EFCAB5: variants seen among roughly 807,000 people sequenced by gnomAD.
The protein encoded by EFCAB5 is EF-hand calcium binding domain 5.
A neutral mutation model predicts 167.9 loss-of-function variants in EFCAB5; 131 were observed. That is an observed-to-expected ratio of 0.78 (90% confidence interval 0.68 to 0.90). The LOEUF is 0.90. Among genes scored for constraint, EFCAB5 ranks in the 40% least tolerant of loss-of-function variants. The probability of loss-of-function intolerance (pLI) is 0.00; values close to 1 mark genes in which losing one functional copy is unlikely to be tolerated. For missense variants in EFCAB5, 1,663 were observed against 1,745.2 expected (o/e 0.95, Z 0.84); for synonymous variants, 574 against 602.8 (o/e 0.95, Z 0.70).
At chr17:30,061,636 C>T (rs2070429089) in intron 14 of EFCAB5, among the ~76,000 whole-genome samples, 1 of 152,154 alleles carries the variant, frequency 6.6e-6, no homozygotes, top group African/African-American at 2.4e-5. Flanking sequence ...AACGCAGTGG[C>T]ATAATCATGG....
At chr17:29,971,983 AT>A in intron 4 of EFCAB5, among the ~76,000 whole-genome samples, 1 of 152,078 alleles carries the variant, frequency 6.6e-6, no homozygotes, top group East Asian at 1.9e-4. Context: ...AGATGCTCAA[AT>A]TGCACCAACT....
chr17:29,942,382 G>T, intron 2 of EFCAB5, 80 bp downstream of exon 2: 2 of 1,265,542 alleles, frequency 1.6e-6, no homozygotes, highest in Non-Finnish European at 1.1e-6. Context: ...TAAAAGAAAA[G>T]ATGTGGGTAT....
At chr17:29,967,107 C>A (rs915198385) in intron 3 of EFCAB5, among the ~76,000 whole-genome samples, 3 of 152,072 alleles carry the variant, frequency 2.0e-5, no homozygotes, top group Non-Finnish European at 4.4e-5. Flanking sequence ...TTTAAAGACT[C>A]CTTACATTTG....
chr17:29,977,788 A>G (rs1394521136), intron 4 of EFCAB5, among the ~76,000 whole-genome samples: 1 of 152,220 alleles, frequency 6.6e-6, no homozygotes, highest in East Asian at 1.9e-4. Flanking sequence ...CCTTAAGGAT[A>G]CACAAACCAA....
chr17:30,055,353 GA>G (rs2070226470), intron 10 of EFCAB5, among the ~76,000 whole-genome samples: 1 of 150,904 alleles, frequency 6.6e-6, no homozygotes, highest in Admixed American at 6.6e-5. Flanking sequence ...AGGAAGGAAG[GA>G]AGGAAGGAAG....
rs541233328 is a variant in EFCAB5 at position 30,059,460 on chromosome 17, G to C, written c.2581-85G>C. The C allele has an allele frequency of 1.2e-4, 169 of 1,388,702 alleles. No individual in the cohort carries two copies. In the East Asian group the frequency reaches 3.9e-3, roughly 32 times the overall value. The allele number at this position is 1,388,702 out of a possible 1,614,324, so 86.0% of individuals were successfully genotyped here. A position where few individuals can be genotyped will look rare whatever the true frequency, so the allele number is the denominator to read the frequency against. ...TAAACCTGTTTTAATAGAAGACGCT[G>C]GACTTTTTTTGGAATAAACACAGAA... On this transcript the variant is annotated intron_variant, in intron 13 of 22. Transcript: ENST00000394835.
chr17:29,950,373 T>G (rs1198173564), intron 3 of EFCAB5, among the ~76,000 whole-genome samples: 2 of 151,586 alleles, frequency 1.3e-5, no homozygotes, highest in Non-Finnish European at 2.9e-5. Flanking sequence ...TCTTTCTTTC[T>G]TTTTTAAAAA....
chr17:29,986,639 T>A (rs1324570372), intron 4 of EFCAB5, among the ~76,000 whole-genome samples: 1 of 113,024 alleles, frequency 8.8e-6, no homozygotes, highest in Non-Finnish European at 1.8e-5. Flanking sequence ...GTATATTCAT[T>A]TTTTTTTTTT....
intron 4 of EFCAB5, among the ~76,000 whole-genome samples, chr17:29,974,776 T>C (rs1463284970): frequency 6.6e-6 from 1 of 152,192 alleles, no homozygotes; most frequent in Non-Finnish European, 1.5e-5. Context: ...AAAGCAGTCA[T>C]AGCATATATG....
At chr17:29,961,607 GAC>G (rs1376817455) in intron 3 of EFCAB5, among the ~76,000 whole-genome samples, 2 of 152,056 alleles carry the variant, frequency 1.3e-5, no homozygotes, top group African/African-American at 2.4e-5. Context: ...TGTTTTTAGA[GAC>G]ACAGTCTCAC....
chr17:30,001,337 A>T (rs879239393), intron 7 of EFCAB5, among the ~76,000 whole-genome samples: 5 of 152,242 alleles, frequency 3.3e-5, no homozygotes, highest in African/African-American at 1.2e-4. Context: ...AAAATTGTTC[A>T]TGAAAAGTCA....
At chr17:30,015,759 C>CTT (rs71138866) in intron 7 of EFCAB5, among the ~76,000 whole-genome samples, 11 of 130,568 alleles carry the variant, frequency 8.4e-5, no homozygotes, top group Non-Finnish European at 1.1e-4. Flanking sequence ...TTGGTTATTT[C>CTT]TTTTTTTTTT....
At chr17:29,951,890 T>C (rs542559983) in intron 3 of EFCAB5, among the ~76,000 whole-genome samples, 1 of 152,264 alleles carries the variant, frequency 6.6e-6, no homozygotes, top group Admixed American at 6.5e-5. Flanking sequence ...GTGACATAAA[T>C]TGGAACCAAT....
In EFCAB5 at chr17:29,956,648, A is replaced by T. The variant is rs114340179; in HGVS notation, c.191-12143A>T. Among the ~76,000 whole-genome samples, 974 of 152,338 alleles carry T rather than the reference A, an allele frequency of 6.4e-3. 5 individuals carry two copies. The highest frequency in any genetic ancestry group is 0.022 in the African/African-American group (934 of 41,562). On this transcript the variant is annotated intron_variant, in intron 3 of 22. Transcript: ENST00000394835. ...AAAATTTGTATGGATGCAGCTTTAG[A>T]CCAAACTTGATTTAACACAACTAAT...
chr17:30,087,158 C>T lies in EFCAB5; in HGVS notation c.3675C>T (p.Cys1225=). 3 of 1,613,398 alleles carry T rather than the reference C, an allele frequency of 1.9e-6. No homozygotes were observed. In the South Asian group the frequency reaches 3.3e-5, roughly 18 times the overall value. ...CTCCTACCATCCACAGGAAGTCATGCATCTTCAGGTTAGAGACATGTCTGT... is the reference window on the plus strand; with the variant it reads ...CTCCTACCATCCACAGGAAGTCATGTATCTTCAGGTTAGAGACATGTCTGT... The part of the protein sequence containing the change: ...KNPPTIHRKS[C]IFRDFLFKCT... The change falls in exon 19 of 23, where the codon TGC becomes TGT. Residue 1225 remains cysteine (C), a synonymous_variant. Coordinates refer to ENST00000394835, the MANE Select transcript of EFCAB5 (RefSeq NM_198529.4).
chr17:30,000,165 C>T (rs796447806), intron 7 of EFCAB5, among the ~76,000 whole-genome samples, 189 bp downstream of exon 7: 16 of 152,212 alleles, frequency 1.1e-4, no homozygotes, highest in African/African-American at 3.9e-4. Flanking sequence ...ATCAGTATCA[C>T]GCATGATGTG....
chr17:30,082,226 C>T (rs1469300004), intron 17 of EFCAB5, among the ~76,000 whole-genome samples: 4 of 152,156 alleles, frequency 2.6e-5, no homozygotes, highest in African/African-American at 9.7e-5. Context: ...AGCTCCTACC[C>T]ACCTGCCTAA....
intron 7 of EFCAB5, among the ~76,000 whole-genome samples, chr17:30,006,021 G>A (rs1179371265): frequency 6.6e-6 from 1 of 152,138 alleles, no homozygotes; most frequent in Non-Finnish European, 1.5e-5. Context: ...ATCTTTTGGG[G>A]CCTAACCAAC....
chr17:30,105,442 G>C (rs926469802), intron 22 of EFCAB5, among the ~76,000 whole-genome samples: 3 of 152,044 alleles, frequency 2.0e-5, no homozygotes, highest in Non-Finnish European at 4.4e-5. Flanking sequence ...AGCCCACAAG[G>C]TGCCACTGCA....
Sources: allele counts gnomAD v4.1 joint callset (sites outside exome capture counted in the v4.1 genomes callset), GRCh38; gene constraint gnomAD v4.1.1; transcripts MANE v1.5; gene names NCBI Gene and HGNC (gene_info 2026-07-23, HGNC 2026-07-21).